The following PCDHGA2 variants were observed in gnomAD, a reference collection of about 807,000 sequenced individuals.
PCDHGA2 encodes protocadherin gamma-A2.
A neutral mutation model predicts 59.2 loss-of-function variants in PCDHGA2; 40 were observed. The observed-to-expected ratio is 0.68, with a 90% CI of 0.52 to 0.88. The LOEUF is 0.88. Ranked by LOEUF, PCDHGA2 falls within the 40% of genes least tolerant of loss-of-function variation. The pLI is 0.00. For synonymous variants in PCDHGA2, 560 were observed against 526.0 expected, an observed-to-expected ratio of 1.06 and a Z score of -0.89; for missense variants, 1,226 against 1,204.0, an observed-to-expected ratio of 1.02 and a Z score of -0.27.
chr5:141,420,722 A>T (rs1428516588), intron 1 of PCDHGA2, among the ~76,000 whole-genome samples: 4 of 152,226 alleles, frequency 2.6e-5, no homozygotes, highest in Admixed American at 6.5e-5. Flanking sequence ...CGTTCCTTTC[A>T]GTCGGTTAAA....
chr5:141,403,632 G>A (rs759489331), intron 1 of PCDHGA2: 2 of 1,613,916 alleles, frequency 1.2e-6, no homozygotes, highest in Admixed American at 1.7e-5. Context: ...AGCACAGTGC[G>A]CATCCATGTG....
intron 1 of PCDHGA2, chr5:141,429,167 T>TATAC (rs1240034860): frequency 3.1e-4 from 42 of 136,210 alleles, no homozygotes; most frequent in African/African-American, 7.0e-4. Flanking sequence ...AGACATTGTT[T>TATAC]ATACACACAC....
chr5:141,370,570 G>A (rs1373345113), intron 1 of PCDHGA2: 2 of 1,613,946 alleles, frequency 1.2e-6, no homozygotes, highest in African/African-American at 1.3e-5. Flanking sequence ...TTTGGCGTGG[G>A]GGATTTACCT....
At chr5:141,428,532 C>T (rs1561836699) in intron 1 of PCDHGA2, 7 of 277,518 alleles carry the variant, frequency 2.5e-5, no homozygotes, top group Non-Finnish European at 5.0e-5. Context: ...TTAATTTTCT[C>T]ACCATGACAC....
At chr5:141,439,432 A>C (rs537630916) in intron 1 of PCDHGA2, among the ~76,000 whole-genome samples, 1 of 152,326 alleles carries the variant, frequency 6.6e-6, no homozygotes, top group African/African-American at 2.4e-5. Flanking sequence ...AATTCCCAGG[A>C]ATATTTTATT....
intron 1 of PCDHGA2, chr5:141,492,015 G>A (rs117345436): frequency 3.3e-6 from 2 of 600,492 alleles, no homozygotes; most frequent in African/African-American, 1.9e-5. Context: ...CGCGGGTGTC[G>A]GGGGTCCCGG....
chr5:141,374,683 G>A (rs757439486), intron 1 of PCDHGA2: 3 of 1,609,586 alleles, frequency 1.9e-6, no homozygotes, highest in South Asian at 2.2e-5. Flanking sequence ...AGGGCACACT[G>A]GACCGGGAAG....
At chr5:141,364,029 G>T (rs1236372834) in intron 1 of PCDHGA2, among the ~76,000 whole-genome samples, 1 of 152,176 alleles carries the variant, frequency 6.6e-6, no homozygotes, top group Non-Finnish European at 1.5e-5. Flanking sequence ...TAAACATTAA[G>T]GATATGGCAA....
At chr5:141,359,403 T>A (rs537234206) in intron 1 of PCDHGA2, among the ~76,000 whole-genome samples, 7 of 152,150 alleles carry the variant, frequency 4.6e-5, no homozygotes, top group South Asian at 4.2e-4. Flanking sequence ...TCAAATTTTT[T>A]AAAAAATGTG....
At chr5:141,356,949 T>C in intron 1 of PCDHGA2, 1 of 1,614,204 alleles carries the variant, frequency 6.2e-7, no homozygotes, top group Non-Finnish European at 8.5e-7. Context: ...GCTCCGCAGA[T>C]TCCGGCTACC....
chr5:141,365,862 C>T (rs1424716310), intron 1 of PCDHGA2: 10 of 1,613,946 alleles, frequency 6.2e-6, no homozygotes, highest in African/African-American at 4.0e-5. Context: ...AACTCTGACA[C>T]CGGTGTCCTG....
intron 1 of PCDHGA2, chr5:141,410,023 C>A: frequency 6.2e-7 from 1 of 1,613,310 alleles, no homozygotes; most frequent in South Asian, 1.1e-5. Context: ...TGTCCTACCA[C>A]GTGCTGCAGG....
chr5:141,345,933 G>T, intron 1 of PCDHGA2: 1 of 1,613,548 alleles, frequency 6.2e-7, no homozygotes, highest in Non-Finnish European at 8.5e-7. Context: ...AGCCCTGCTG[G>T]ACAGAGACGC....
In PCDHGA2 at chr5:141,491,803, C is replaced by T. The variant is rs2099730932; in HGVS notation, c.2425-3004C>T. ...CTTGCATCCACTCCTCTCCGGCCGG[C>T]TTGGTCGCTGGCTGCGCTCCACCCG... On this transcript the variant is annotated intron_variant, in intron 1 of 3. Transcript: ENST00000394576. This position sits in a 1 kb window ranked among gnomAD's most constrained non-coding sequence, Gnocchi z 6.9. 1 of 1,497,820 alleles carries T rather than the reference C, an allele frequency of 6.7e-7. No individual in the cohort carries two copies. Among genetic ancestry groups the T allele is most frequent in the Non-Finnish European group, 8.9e-7 (1 of 1,124,124 alleles). 92.8% of individuals were successfully genotyped at this position (1,497,820 alleles called of 1,614,324 possible).
rs1561481134 is a variant in PCDHGA2, at chr5:141,339,984, TG to T, written c.1015del (p.Asp339MetfsTer2). On this transcript the variant is annotated frameshift_variant, in exon 1 of 4. Transcript: ENST00000394576. LOFTEE classifies it high-confidence loss of function. ...AGAGCGAAGGTTATCGTCACGGTTC[TG>T]GATGTGAATGACAATGCCCCAGAAT... ...LTRAKVIVTV[L>X]DVNDNAPEFY... 1 of 1,614,206 alleles carries T rather than the reference TG, an allele frequency of 6.2e-7. No homozygotes were observed. Among genetic ancestry groups the T allele is most frequent in the Admixed American group, 1.7e-5 (1 of 60,028 alleles).
intron 1 of PCDHGA2, among the ~76,000 whole-genome samples, chr5:141,452,575 T>A (rs1386847800): frequency 6.6e-6 from 1 of 152,192 alleles, no homozygotes; most frequent in Non-Finnish European, 1.5e-5. Flanking sequence ...CCTTCCCCCT[T>A]TCCATCTTTG....
chr5:141,366,281 C>A, intron 1 of PCDHGA2: 1 of 1,613,726 alleles, frequency 6.2e-7, no homozygotes, highest in Non-Finnish European at 8.5e-7. Flanking sequence ...AGACCATGGC[C>A]AGCCCCCTCT....
intron 1 of PCDHGA2, chr5:141,355,286 A>G (rs1466642176): frequency 6.2e-7 from 1 of 1,613,786 alleles, no homozygotes; most frequent in Admixed American, 1.7e-5. Context: ...ATCAGGGCCG[A>G]ACAGATTCTC....
intron 1 of PCDHGA2, among the ~76,000 whole-genome samples, chr5:141,467,372 T>C (rs1006663543): frequency 2.0e-5 from 3 of 152,072 alleles, no homozygotes; most frequent in African/African-American, 7.2e-5. Flanking sequence ...TTTTCTTATA[T>C]TGCATTTAGG....
Sources: gnomAD v4.1 joint callset for allele counts (sites outside exome capture counted in the v4.1 genomes callset) on GRCh38, gnomAD v4.1.1 for gene constraint, Gnocchi (gnomAD v3.1) non-coding constraint, MANE v1.5 for transcripts, NCBI Gene and HGNC (gene_info 2026-07-23, HGNC 2026-07-21) for gene names.